Variants in MACROD2 observed in about 807,000 individuals in gnomAD.
The protein encoded by MACROD2 is ADP-ribose glycohydrolase MACROD2.
A neutral mutation model predicts 70.4 loss-of-function variants in MACROD2; 36 were observed. The ratio of observed to expected loss-of-function variants is 0.51; its 90% CI spans 0.39 to 0.68. The LOEUF (loss-of-function observed/expected upper bound fraction) is 0.68. Among genes scored for constraint, MACROD2 ranks in the 30% least tolerant of loss-of-function variants. The probability of loss-of-function intolerance (pLI) is 0.00; values close to 1 mark genes in which losing one functional copy is unlikely to be tolerated. For missense variants in MACROD2, 496 were observed against 538.4 expected, an observed-to-expected ratio of 0.92 and a Z score of 0.78; for synonymous variants, 172 against 178.8, an observed-to-expected ratio of 0.96 and a Z score of 0.30.
At chr20:14,931,672 T>G (rs1028308421) in intron 5 of MACROD2, among the ~76,000 whole-genome samples, 4 of 152,222 alleles carry the variant, frequency 2.6e-5, no homozygotes, top group African/African-American at 9.6e-5. Context: ...TAGCTTTAAA[T>G]TACTTCTGAT....
intron 3 of MACROD2, chr20:14,324,498 A>C (rs1472597462): frequency 1.3e-5 from 2 of 152,604 alleles, no homozygotes; most frequent in African/African-American, 2.4e-5. Context: ...GACATAAACC[A>C]GATCTAAATT....
intron 8 of MACROD2, among the ~76,000 whole-genome samples, chr20:15,656,226 G>C (rs750475736): frequency 1.3e-5 from 2 of 152,198 alleles, no homozygotes; most frequent in South Asian, 2.1e-4. Flanking sequence ...CCTGTCAGAG[G>C]CAGAATGCTT....
chr20:15,449,951 C>T (rs1239561409), intron 7 of MACROD2, among the ~76,000 whole-genome samples: 4 of 152,108 alleles, frequency 2.6e-5, no homozygotes, highest in Admixed American at 1.3e-4. Flanking sequence ...GCAAAGATTG[C>T]GCCACTGCAC....
chr20:14,165,437 G>A (rs957139110), intron 3 of MACROD2, among the ~76,000 whole-genome samples: 4 of 152,102 alleles, frequency 2.6e-5, no homozygotes, highest in South Asian at 2.1e-4. Context: ...AGGTGTTTCT[G>A]TCACTTCCCT....
intron 5 of MACROD2, among the ~76,000 whole-genome samples, chr20:14,889,790 G>A (rs2073729963): frequency 6.6e-6 from 1 of 152,128 alleles, no homozygotes. Flanking sequence ...GAAGTGAATT[G>A]GGAAGCCAGT....
chr20:15,619,607 TCTC>T (rs765096258), intron 8 of MACROD2: 37 of 453,934 alleles, frequency 8.2e-5, no homozygotes, highest in Non-Finnish European at 1.4e-4. Context: ...AGCTGCTTAT[TCTC>T]CTATTTGGCT....
intron 4 of MACROD2, among the ~76,000 whole-genome samples, chr20:14,498,664 C>T (rs1380655572): frequency 6.6e-6 from 1 of 152,134 alleles, no homozygotes; most frequent in African/African-American, 2.4e-5. Context: ...GAGCAGATAT[C>T]CTGAAAACAA....
At chr20:15,684,786 A>G (rs569271815) in intron 8 of MACROD2, among the ~76,000 whole-genome samples, 40 of 152,302 alleles carry the variant, frequency 2.6e-4, no homozygotes, top group African/African-American at 8.9e-4. Context: ...TTAAATTAAG[A>G]TATGACCATT....
intron 5 of MACROD2, among the ~76,000 whole-genome samples, chr20:15,206,279 T>C (rs999900385): frequency 1.3e-5 from 2 of 152,216 alleles, no homozygotes; most frequent in African/African-American, 4.8e-5. Context: ...CAATGAAACC[T>C]ACATCTGAAT....
intron 4 of MACROD2, among the ~76,000 whole-genome samples, chr20:14,671,512 T>A (rs1194815239): frequency 6.6e-6 from 1 of 152,162 alleles, no homozygotes; most frequent in Non-Finnish European, 1.5e-5. Flanking sequence ...ATTATTTAGA[T>A]CTTAGAGTCT....
At chr20:15,771,748 T>G (rs1970176673) in intron 8 of MACROD2, among the ~76,000 whole-genome samples, 1 of 151,990 alleles carries the variant, frequency 6.6e-6, no homozygotes, top group Admixed American at 6.6e-5. Context: ...CCTCTCTTGT[T>G]TACCAATATA....
At chr20:14,977,569 C>A (rs894470682) in intron 5 of MACROD2, among the ~76,000 whole-genome samples, 2 of 151,258 alleles carry the variant, frequency 1.3e-5, no homozygotes, top group Non-Finnish European at 2.9e-5. Context: ...AGTCACATAT[C>A]CTCTCTGCCT....
intron 3 of MACROD2, among the ~76,000 whole-genome samples, chr20:14,372,722 T>A (rs371091078): frequency 3.3e-4 from 51 of 152,314 alleles, no homozygotes; most frequent in African/African-American, 1.2e-3. Flanking sequence ...CCTGTTTTTT[T>A]TGGAGAGTTC....
intron 2 of MACROD2, among the ~76,000 whole-genome samples, chr20:14,062,206 T>G (rs1460164677): frequency 1.3e-5 from 2 of 152,166 alleles, no homozygotes; most frequent in Non-Finnish European, 2.9e-5. Context: ...TTTAGCTTCT[T>G]TGTTCCATTC....
intron 3 of MACROD2, among the ~76,000 whole-genome samples, chr20:14,093,372 C>T (rs145780778): frequency 6.6e-6 from 1 of 152,062 alleles, no homozygotes; most frequent in African/African-American, 2.4e-5. Context: ...TAGGTGTGAG[C>T]CACCTTGCCT....
At chr20:15,244,747 A>T (rs2077090955) in intron 6 of MACROD2, among the ~76,000 whole-genome samples, 1 of 152,300 alleles carries the variant, frequency 6.6e-6, no homozygotes, top group South Asian at 2.1e-4. Context: ...CTAGTACAAC[A>T]TTTTTTTAAA....
intron 3 of MACROD2, among the ~76,000 whole-genome samples, chr20:14,453,012 T>C (rs2084261680): frequency 6.6e-6 from 1 of 152,092 alleles, no homozygotes; most frequent in Admixed American, 6.6e-5. Flanking sequence ...CTTATCTAGG[T>C]CCTTAGGACA....
At chr20:15,526,658 A>C (rs979534622) in intron 8 of MACROD2, among the ~76,000 whole-genome samples, 1 of 152,224 alleles carries the variant, frequency 6.6e-6, no homozygotes, top group Admixed American at 6.5e-5. Flanking sequence ...GAGATGCAGA[A>C]GTTGGATCTA....
chr20:14,832,835 A>C (rs1416022338), intron 5 of MACROD2, among the ~76,000 whole-genome samples: 1 of 152,084 alleles, frequency 6.6e-6, no homozygotes, highest in Non-Finnish European at 1.5e-5. Context: ...GTAGAGAGTG[A>C]GCTAAGAACA....
Sources: allele counts gnomAD v4.1 joint callset (sites outside exome capture counted in the v4.1 genomes callset), GRCh38; gene constraint gnomAD v4.1.1; transcripts MANE v1.5; gene names NCBI Gene and HGNC (gene_info 2026-07-23, HGNC 2026-07-21).